RPGRIP1L: variants seen among roughly 807,000 people sequenced by gnomAD.
RPGRIP1L encodes protein fantom.
In RPGRIP1L, 131 loss-of-function variants were observed where a neutral mutation model predicts 160.4. That is an observed-to-expected ratio of 0.82 (90% CI 0.71 to 0.94). RPGRIP1L has a LOEUF of 0.94. Among genes scored for constraint, RPGRIP1L ranks in the 40% least tolerant of loss-of-function variants. The pLI is 0.00. For missense variants in RPGRIP1L, 1,522 were observed against 1,535.8 expected (o/e 0.99, Z 0.15); for synonymous variants, 510 against 515.8 (o/e 0.99, Z 0.15).
intron 3 of RPGRIP1L, chr16:53,695,096 T>C (rs1046672075): frequency 2.1e-6 from 1 of 469,622 alleles, no homozygotes; most frequent in Non-Finnish European, 3.8e-6. Flanking sequence ...GTTTTTTATT[T>C]TCTGGCTATG....
intron 4 of RPGRIP1L, among the ~76,000 whole-genome samples, chr16:53,691,596 A>G (rs569333773): frequency 3.9e-5 from 6 of 152,206 alleles, no homozygotes; most frequent in Non-Finnish European, 7.4e-5. Context: ...ATAAGGACCC[A>G]ACTTTTTAAA....
chr16:53,665,723 C>G (rs995992997), intron 9 of RPGRIP1L, among the ~76,000 whole-genome samples: 3 of 152,110 alleles, frequency 2.0e-5, no homozygotes, highest in African/African-American at 7.2e-5. Flanking sequence ...CCCAGCATAT[C>G]AGAAGAAAGA....
chr16:53,667,759 G>C (rs973746542), intron 9 of RPGRIP1L, among the ~76,000 whole-genome samples: 9 of 152,208 alleles, frequency 5.9e-5, no homozygotes, highest in Middle Eastern at 3.4e-3. Context: ...TGTAATCCCA[G>C]CTACTCAGGA....
intron 22 of RPGRIP1L, among the ~76,000 whole-genome samples, chr16:53,626,132 G>T (rs1041605989): frequency 1.3e-4 from 8 of 60,924 alleles, no homozygotes; most frequent in East Asian, 8.5e-4. Context: ...AACCAAGAAT[G>T]ATCAATAAAT....
intron 3 of RPGRIP1L, chr16:53,695,131 T>C (rs1356714129): frequency 1.8e-6 from 1 of 555,816 alleles, no homozygotes; most frequent in Admixed American, 3.1e-5. Context: ...AGGTCAAGGA[T>C]GTGAATTCGA....
At chr16:53,634,843 C>A (rs1965737195) in intron 22 of RPGRIP1L, among the ~76,000 whole-genome samples, 6 of 152,150 alleles carry the variant, frequency 3.9e-5, no homozygotes, top group Admixed American at 3.9e-4. Context: ...CTCAGGTATA[C>A]CTTTATAGTA....
rs1381730383 is a variant in RPGRIP1L at position 53,697,751 on chromosome 16, G to A, written c.86-1456C>T. On this transcript the variant is annotated intron_variant, in intron 2 of 26. Coordinates refer to ENST00000647211, the MANE Select transcript of RPGRIP1L (RefSeq NM_015272.5). ...CAGCCGCCTGCCTTGGCCTCCCAAAGTGCCCAGAGTGCAGCCTCTGCCCGG... is the reference window on the plus strand; with the variant it reads ...CAGCCGCCTGCCTTGGCCTCCCAAAATGCCCAGAGTGCAGCCTCTGCCCGG... Among the ~76,000 whole-genome samples, 3 of 152,108 alleles carry A rather than the reference G, an allele frequency of 2.0e-5. No homozygotes were observed. In the East Asian group the frequency reaches 5.8e-4, roughly 29 times the overall value.
intron 6 of RPGRIP1L, among the ~76,000 whole-genome samples, chr16:53,679,102 GA>G (rs1490135469): frequency 2.0e-5 from 3 of 152,026 alleles, no homozygotes; most frequent in South Asian, 4.1e-4. Flanking sequence ...TTGCTCAAAG[GA>G]AAAAAACTGT....
At chr16:53,682,678 T>C (rs375450530) in intron 6 of RPGRIP1L, among the ~76,000 whole-genome samples, 6 of 152,312 alleles carry the variant, frequency 3.9e-5, no homozygotes, top group African/African-American at 1.4e-4. Context: ...TATGAATTTT[T>C]ATATTCAGAC....
At chr16:53,702,382 G>A (rs1250334905) in intron 1 of RPGRIP1L, among the ~76,000 whole-genome samples, 2 of 152,168 alleles carry the variant, frequency 1.3e-5, no homozygotes, top group Non-Finnish European at 2.9e-5. Context: ...CAGTGCTTAG[G>A]AGACATAATA....
rs1247445954 is a variant in RPGRIP1L, at chr16:53,698,956, G to A, written c.85+1683C>T. Among the ~76,000 whole-genome samples, 5 of 150,414 alleles carry A rather than the reference G, an allele frequency of 3.3e-5. No individual in the cohort carries two copies. In the East Asian group the frequency reaches 6.0e-4, roughly 18 times the overall value. ...TTTTGTGGAATAGAAAGCGGGGAAA[G>A]GTGGGGAAAAGATTGAGAAATCGGA... On this transcript the variant is annotated intron_variant, in intron 2 of 26. Coordinates refer to ENST00000647211, the MANE Select transcript of RPGRIP1L (RefSeq NM_015272.5).
chr16:53,697,562 C>T (rs1970882871), intron 2 of RPGRIP1L, among the ~76,000 whole-genome samples: 1 of 152,242 alleles, frequency 6.6e-6, no homozygotes, highest in South Asian at 2.1e-4. Context: ...CGGGGTTTCG[C>T]TGTGTTGGCC....
At chr16:53,667,149 G>GTTAGTCTTTGTACACATTTCAC (rs1355671404) in intron 9 of RPGRIP1L, among the ~76,000 whole-genome samples, 1 of 152,170 alleles carries the variant, frequency 6.6e-6, no homozygotes, top group Non-Finnish European at 1.5e-5. Context: ...GGGGATCATA[G>GTTAGTCTTTGTACACATTTCAC]TTAGTCTTTG....
At position 53,605,326 on chromosome 16, in the gene RPGRIP1L, CGCT is replaced by C. The variant is rs1963607945; in HGVS notation, c.3835+152_3835+154del. 21 of 776,458 alleles carry C rather than the reference CGCT, an allele frequency of 2.7e-5. No individual in the cohort carries two copies. In the East Asian group the frequency reaches 4.8e-4, roughly 18 times the overall value. The allele number at this position is 776,458 out of a possible 1,614,324, so 48.1% of individuals were successfully genotyped here. The stretch of plus-strand genomic sequence containing the variant: ...AGGACAGGAAAAGGATATAGGAAGA[CGCT>C]TCAGCTTCACCAAAGCGTCAACTTG... On this transcript the variant is annotated intron_variant, in intron 26 of 26. Coordinates refer to ENST00000647211, the MANE Select transcript of RPGRIP1L (RefSeq NM_015272.5).
intron 2 of RPGRIP1L, among the ~76,000 whole-genome samples, chr16:53,698,125 G>GC: frequency 6.7e-6 from 1 of 149,564 alleles, no homozygotes; most frequent in East Asian, 2.0e-4. Context: ...CCTCCGCCCG[G>GC]CAACCGCCCC....
chr16:53,655,767 G>A (rs1301306112), intron 14 of RPGRIP1L, among the ~76,000 whole-genome samples: 1 of 152,178 alleles, frequency 6.6e-6, no homozygotes, highest in Non-Finnish European at 1.5e-5. Context: ...CATTTTAAAC[G>A]AGTTCCTCAA....
At chr16:53,689,090 T>TTATATA (rs200206940) in intron 4 of RPGRIP1L, among the ~76,000 whole-genome samples, 1 of 148,892 alleles carries the variant, frequency 6.7e-6, no homozygotes, top group Non-Finnish European at 1.5e-5. Context: ...TATATATATG[T>TTATATA]TATATATATA....
chr16:53,683,765 T>C (rs140860021), intron 6 of RPGRIP1L, among the ~76,000 whole-genome samples: 13 of 150,664 alleles, frequency 8.6e-5, no homozygotes, highest in African/African-American at 2.9e-4. Flanking sequence ...AGATAAAGTA[T>C]TGTTGAAAGC....
intron 25 of RPGRIP1L, among the ~76,000 whole-genome samples, chr16:53,605,994 A>T (rs989046363): frequency 2.4e-4 from 37 of 152,320 alleles, no homozygotes; most frequent in Admixed American, 2.4e-3. Flanking sequence ...AATGGTCAGC[A>T]TTTTCCATAG....
Sources: gnomAD v4.1 joint callset for allele counts (sites outside exome capture counted in the v4.1 genomes callset) on GRCh38, gnomAD v4.1.1 for gene constraint, MANE v1.5 for transcripts, NCBI Gene and HGNC (gene_info 2026-07-23, HGNC 2026-07-21) for gene names.